Variants in SRGAP3 observed in about 807,000 individuals in gnomAD.
SRGAP3 encodes the protein SLIT-ROBO Rho GTPase-activating protein 3.
A neutral mutation model predicts 121.1 loss-of-function variants in SRGAP3; 39 were observed. The ratio of observed to expected loss-of-function variants is 0.32; its 90% confidence interval spans 0.25 to 0.42. The LOEUF (loss-of-function observed/expected upper bound fraction) is 0.42. Among genes scored for constraint, SRGAP3 ranks in the 10% least tolerant of loss-of-function variants. The pLI is 1.00. For synonymous variants in SRGAP3, 601 were observed against 570.0 expected (o/e 1.05, Z -0.77); for missense variants, 1,213 against 1,470.6 (o/e 0.82, Z 2.86).
intron 1 of SRGAP3, among the ~76,000 whole-genome samples, chr3:9,227,124 C>T (rs192412802): frequency 1.3e-5 from 2 of 152,286 alleles, no homozygotes; most frequent in African/African-American, 4.8e-5. Flanking sequence ...AATGAGGGCC[C>T]AGTGTTCCTA....
intron 1 of SRGAP3, among the ~76,000 whole-genome samples, chr3:9,159,837 C>T (rs1232441725): frequency 2.0e-5 from 3 of 152,050 alleles, no homozygotes; most frequent in Admixed American, 6.6e-5. Flanking sequence ...GTCACCCTGC[C>T]CGTTATTTTT....
chr3:9,084,332 A>G (rs1423651987), intron 3 of SRGAP3, among the ~76,000 whole-genome samples: 1 of 152,208 alleles, frequency 6.6e-6, no homozygotes, highest in African/African-American at 2.4e-5. Flanking sequence ...GTGTGTTATT[A>G]GTCCAGAGGT....
chr3:9,191,146 A>G (rs1319029858), intron 1 of SRGAP3, among the ~76,000 whole-genome samples: 1 of 151,986 alleles, frequency 6.6e-6, no homozygotes, highest in Non-Finnish European at 1.5e-5. Flanking sequence ...ATAGGTGTGG[A>G]GTCGCCCTCA....
intron 10 of SRGAP3, among the ~76,000 whole-genome samples, chr3:9,046,809 T>C (rs529680626): frequency 7.1e-4 from 107 of 151,626 alleles, no homozygotes; most frequent in Non-Finnish European, 1.3e-3. Context: ...CTAAGACTTG[T>C]GGTTGGCCTC....
rs78017373 is a variant in SRGAP3, at chr3:9,096,659, C to T, written c.423+8021G>A. ...CACTGGATGAAGGTCCTAGCCAAGACAATAAGGCAAGAAAAAGAAATTAGA... is the reference window on the plus strand; with the variant it reads ...CACTGGATGAAGGTCCTAGCCAAGATAATAAGGCAAGAAAAAGAAATTAGA... On this transcript the variant is annotated intron_variant, in intron 3 of 21. Transcript: ENST00000383836. Among the ~76,000 whole-genome samples, 648 of 151,680 alleles carry T rather than the reference C, an allele frequency of 4.3e-3. 1 individual carries two copies. The highest frequency in any genetic ancestry group is 0.014 in the Middle Eastern group (4 of 294).
At chr3:9,127,168 A>T (rs1949266901) in intron 1 of SRGAP3, among the ~76,000 whole-genome samples, 2 of 55,390 alleles carry the variant, frequency 3.6e-5, no homozygotes, top group Non-Finnish European at 8.0e-5. Context: ...TAAAAACTTA[A>T]AAAAAAAAAA....
intron 1 of SRGAP3, among the ~76,000 whole-genome samples, chr3:9,229,068 CAAAAAAAAAAAA>C (rs61231273): frequency 1.3e-5 from 1 of 74,090 alleles, no homozygotes; most frequent in Admixed American, 1.5e-4. Context: ...GACTCCGTCT[CAAAAAAAAAAAA>C]AAAAAAAAAA....
intron 3 of SRGAP3, among the ~76,000 whole-genome samples, chr3:9,094,965 T>G (rs1947909794): frequency 6.6e-6 from 1 of 151,996 alleles, no homozygotes; most frequent in South Asian, 2.1e-4. Flanking sequence ...TCTCCCTATA[T>G]TGCCCAGGCT....
chr3:9,289,041 C>T (rs1356218439), intron 3 of SRGAP3, among the ~76,000 whole-genome samples: 1 of 152,272 alleles, frequency 6.6e-6, no homozygotes, highest in South Asian at 2.1e-4. Flanking sequence ...GGACTACAGG[C>T]ATGCGCCATC....
intron 3 of SRGAP3, among the ~76,000 whole-genome samples, chr3:9,276,930 G>A (rs1006715380): frequency 6.6e-6 from 1 of 152,216 alleles, no homozygotes; most frequent in Non-Finnish European, 1.5e-5. Flanking sequence ...ACTGAGCTAG[G>A]TGCGTCACAA....
chr3:9,190,819 G>T (rs894535399), intron 1 of SRGAP3, among the ~76,000 whole-genome samples: 1 of 152,178 alleles, frequency 6.6e-6, no homozygotes. Flanking sequence ...TAGGATCAAA[G>T]GAAAGTCAAG....
intron 3 of SRGAP3, among the ~76,000 whole-genome samples, chr3:9,259,914 A>G (rs1559248123): frequency 6.6e-6 from 1 of 151,682 alleles, no homozygotes; most frequent in Non-Finnish European, 1.5e-5. Context: ...CGAGACCAAG[A>G]AGACGGGTGA....
At chr3:9,142,230 T>C (rs891691102) in intron 1 of SRGAP3, among the ~76,000 whole-genome samples, 1 of 152,208 alleles carries the variant, frequency 6.6e-6, no homozygotes, top group Non-Finnish European at 1.5e-5. Flanking sequence ...CAGTAAAAAG[T>C]TACGCAAATG....
intron 1 of SRGAP3, among the ~76,000 whole-genome samples, chr3:9,237,326 A>G (rs969458179): frequency 2.0e-5 from 3 of 152,306 alleles, no homozygotes; most frequent in Non-Finnish European, 4.4e-5. Flanking sequence ...ACTGGCATCT[A>G]GTGAGTACAG....
Position 9,013,390 on chromosome 3 carries a change from G to GGAT in SRGAP3, c.2062_2064dup (p.Ile688dup), listed in dbSNP as rs750865207. 1 of 1,614,030 alleles carries GGAT rather than the reference G, an allele frequency of 6.2e-7. No individual in the cohort carries two copies. Among genetic ancestry groups the GGAT allele is most frequent in the Admixed American group, 1.7e-5 (1 of 60,006 alleles). ...GGGCTGGGGAAGATGGCTTCATGATGGATGATGATGGTTTTGATGACTTCA... is the reference window on the plus strand; with the variant it reads ...GGGCTGGGGAAGATGGCTTCATGATGGATGATGATGATGGTTTTGATGACTTCA... On this transcript the variant is annotated inframe_insertion, in exon 17 of 22. Coordinates refer to ENST00000383836, the MANE Select transcript of SRGAP3 (RefSeq NM_014850.4).
intron 1 of SRGAP3, among the ~76,000 whole-genome samples, chr3:9,185,710 AT>A (rs779180903): frequency 5.4e-5 from 8 of 149,188 alleles, no homozygotes; most frequent in African/African-American, 1.2e-4. Context: ...GGCCTGACTA[AT>A]TTTTTTTTTG....
intron 3 of SRGAP3, chr3:9,256,661 C>A: frequency 2.5e-6 from 1 of 395,630 alleles, no homozygotes; most frequent in South Asian, 1.4e-4. Flanking sequence ...CATCCACTCC[C>A]CATCCCTCAT....
intron 3 of SRGAP3, among the ~76,000 whole-genome samples, chr3:9,307,466 G>C (rs1955177885): frequency 6.6e-6 from 1 of 152,196 alleles, no homozygotes; most frequent in African/African-American, 2.4e-5. Context: ...ACAATGGGAG[G>C]GAGAGCAGCC....
At chr3:9,266,812 C>T (rs551587835) in intron 3 of SRGAP3, among the ~76,000 whole-genome samples, 1 of 152,236 alleles carries the variant, frequency 6.6e-6, no homozygotes, top group Non-Finnish European at 1.5e-5. Flanking sequence ...TTACCAGGCC[C>T]CAATAAATAC....
Sources: gnomAD v4.1 joint callset for allele counts (sites outside exome capture counted in the v4.1 genomes callset) on GRCh38, gnomAD v4.1.1 for gene constraint, MANE v1.5 for transcripts, NCBI Gene and HGNC (gene_info 2026-07-23, HGNC 2026-07-21) for gene names.